Variants in BLK observed in about 807,000 individuals in gnomAD.
BLK encodes tyrosine-protein kinase Blk.
In BLK, 64 loss-of-function variants were observed where a neutral mutation model predicts 61.8. The observed-to-expected ratio is 1.03, with a 90% CI of 0.85 to 1.27. The LOEUF (loss-of-function observed/expected upper bound fraction) is 1.27, where lower values mean the gene tolerates loss of function less well. Among genes scored for constraint, BLK ranks in the 50% most tolerant of loss-of-function variants. BLK has a pLI of 0.00. For synonymous variants in BLK, 351 were observed against 272.0 expected (o/e 1.29, Z -2.86); for missense variants, 853 against 660.5 (o/e 1.29, Z -3.19).
At chr8:11,563,843 G>C in intron 12 of BLK, 60 bp from the exon 13 acceptor site, 1 of 1,511,824 alleles carries the variant, frequency 6.6e-7, no homozygotes, top group South Asian at 1.2e-5. Flanking sequence ...GACGCTCAGG[G>C]CCCCCCACCC....
chr8:11,549,988 C>T, intron 5 of BLK, 171 bp from the exon 6 acceptor site: 1 of 681,852 alleles, frequency 1.5e-6, no homozygotes, highest in Non-Finnish European at 2.7e-6. Context: ...GGCAGCGGGG[C>T]AGAGGGCACT....
intron 1 of BLK, among the ~76,000 whole-genome samples, chr8:11,542,104 C>T (rs1051778403): frequency 4.6e-5 from 7 of 152,266 alleles, no homozygotes; most frequent in African/African-American, 1.7e-4. Flanking sequence ...GAGGAATGTG[C>T]TTTCAGCTCT....
chr8:11,561,123 T>C (rs1164337161), intron 10 of BLK, 179 bp from the exon 11 acceptor site: 1 of 895,574 alleles, frequency 1.1e-6, no homozygotes, highest in South Asian at 1.4e-5. Flanking sequence ...GCGTTGCTGT[T>C]CTGGGCTTCT....
At chr8:11,540,847 C>T (rs774799283) in intron 1 of BLK, among the ~76,000 whole-genome samples, 8 of 78,196 alleles carry the variant, frequency 1.0e-4, no homozygotes, top group Admixed American at 1.7e-4. Flanking sequence ...TGAAACCACT[C>T]AAGAAGATAG....
chr8:11,549,986 G>A, intron 5 of BLK, 173 bp from the exon 6 acceptor site: 1 of 679,942 alleles, frequency 1.5e-6, no homozygotes, highest in South Asian at 1.5e-5. Context: ...AGGGCAGCGG[G>A]GCAGAGGGCA....
At chr8:11,557,880 A>G (rs2117572736) in intron 9 of BLK, 82 bp from the exon 10 acceptor site, 1 of 1,265,606 alleles carries the variant, frequency 7.9e-7, no homozygotes, top group South Asian at 1.2e-5. Context: ...GCCCATGGGG[A>G]GCCACTCACA....
At chr8:11,526,637 T>A (rs1799662001) in intron 1 of BLK, among the ~76,000 whole-genome samples, 1 of 152,214 alleles carries the variant, frequency 6.6e-6, no homozygotes, top group Non-Finnish European at 1.5e-5. Context: ...GAGGATCACG[T>A]GAACCTGGGA....
rs750953667 is a variant in BLK, at chr8:11,549,039, G to A, written c.285G>A (p.Trp95Ter). 3 of 1,609,764 alleles carry A rather than the reference G, an allele frequency of 1.9e-6. No homozygotes were observed. Among genetic ancestry groups the A allele is most frequent in the South Asian group, 2.2e-5 (2 of 89,534 alleles). The change falls in exon 5 of 13, where the codon TGG (tryptophan) becomes TGA (stop). Residue 95 changes from tryptophan to a stop codon, truncating the protein, a stop_gained. Transcript: ENST00000259089. LOFTEE classifies it high-confidence loss of function. Reference sequence around the variant, plus strand: ...CTCCCATTAGAACTGGAGACTGGTGGCTGGCCAGGTCACTCGTCACAGGAA... The same window carrying A: ...CTCCCATTAGAACTGGAGACTGGTGACTGGCCAGGTCACTCGTCACAGGAA... ...LQVLKGTGDWWLARSLVTGRE... is the reference protein window; with the variant it reads ...LQVLKGTGDW
chr8:11,510,558 A>G (rs1038997862), intron 1 of BLK, among the ~76,000 whole-genome samples: 26 of 152,274 alleles, frequency 1.7e-4, no homozygotes, highest in African/African-American at 6.3e-4. Context: ...CTGTAGTTCC[A>G]TCAGGTTCTC....
intron 10 of BLK, chr8:11,559,982 T>C: frequency 2.7e-6 from 1 of 374,684 alleles, no homozygotes; most frequent in Non-Finnish European, 5.2e-6. Context: ...TTTCTGGTAC[T>C]GTTCAATAAA....
At chr8:11,530,694 C>A (rs1347204525) in intron 1 of BLK, among the ~76,000 whole-genome samples, 2 of 149,416 alleles carry the variant, frequency 1.3e-5, no homozygotes, top group Admixed American at 1.4e-4. Context: ...TAGAAGTTTT[C>A]TTTACTCTGA....
At chr8:11,531,352 TTCTATTCTAAGGGAATAA>T (rs775770339) in intron 1 of BLK, among the ~76,000 whole-genome samples, 64 of 152,230 alleles carry the variant, frequency 4.2e-4, no homozygotes, top group Non-Finnish European at 7.1e-4. Flanking sequence ...CTTTATGATC[TTCTATTCTAAGGGAATAA>T]TCTATTCTAA....
At chr8:11,554,653 T>C in intron 6 of BLK, 90 bp from the exon 7 acceptor site, 1 of 1,534,840 alleles carries the variant, frequency 6.5e-7, no homozygotes. Context: ...TGGGGAACTT[T>C]TTTCAAAGCT....
intron 1 of BLK, among the ~76,000 whole-genome samples, chr8:11,522,838 C>G (rs1367788633): frequency 6.6e-6 from 1 of 152,066 alleles, no homozygotes; most frequent in South Asian, 2.1e-4. Flanking sequence ...TTTATAATTG[C>G]TTATACATGT....
chr8:11,510,908 T>C (rs1016592506), intron 1 of BLK, among the ~76,000 whole-genome samples: 1 of 152,240 alleles, frequency 6.6e-6, no homozygotes, highest in Non-Finnish European at 1.5e-5. Flanking sequence ...AAGTACGAGA[T>C]TCTGCCTTGA....
chr8:11,559,497 A>T (rs1197474354), intron 10 of BLK, among the ~76,000 whole-genome samples: 1 of 126,534 alleles, frequency 7.9e-6, no homozygotes, highest in East Asian at 1.9e-4. Context: ...ACATTTACAC[A>T]AACTCACAAA....
chr8:11,521,298 A>C (rs1219473351), intron 1 of BLK, among the ~76,000 whole-genome samples: 2 of 152,128 alleles, frequency 1.3e-5, no homozygotes, highest in Non-Finnish European at 2.9e-5. Context: ...CAATTAATAA[A>C]ATTTTTTCTT....
intron 1 of BLK, among the ~76,000 whole-genome samples, chr8:11,505,668 T>C (rs1798745182): frequency 6.6e-6 from 1 of 152,226 alleles, no homozygotes. Flanking sequence ...TGCCAAGGTC[T>C]TTCTAAAACT....
At chr8:11,557,134 GAGCATTGCAA>G (rs1801276597) in intron 9 of BLK, among the ~76,000 whole-genome samples, 1 of 152,180 alleles carries the variant, frequency 6.6e-6, no homozygotes, top group African/African-American at 2.4e-5. Context: ...GGGAGGGACA[GAGCATTGCAA>G]AGTCAGACGA....
Sources: gnomAD v4.1 joint callset for allele counts (sites outside exome capture counted in the v4.1 genomes callset) on GRCh38, gnomAD v4.1.1 for gene constraint, MANE v1.5 for transcripts, NCBI Gene and HGNC (gene_info 2026-07-23, HGNC 2026-07-21) for gene names.